The following DCP2 variants were observed in gnomAD, a reference collection of about 807,000 sequenced individuals.
DCP2 encodes m7GpppN-mRNA hydrolase.
Under a neutral mutation model 56.1 loss-of-function variants are expected in DCP2, and 30 were observed. The ratio of observed to expected loss-of-function variants is 0.53; its 90% CI spans 0.40 to 0.73. The LOEUF (loss-of-function observed/expected upper bound fraction) is 0.73, where lower values mean the gene tolerates loss of function less well. DCP2 is among the 30% of genes least tolerant of loss of function. The pLI is 0.00. For missense variants in DCP2, 533 were observed against 502.7 expected, an observed-to-expected ratio of 1.06 and a Z score of -0.58; for synonymous variants, 197 against 163.3, an observed-to-expected ratio of 1.21 and a Z score of -1.57.
chr5:112,992,048 A>G, intron 2 of DCP2, 73 bp from the exon 3 acceptor site: 1 of 1,554,130 alleles, frequency 6.4e-7, no homozygotes, highest in South Asian at 1.2e-5. Context: ...ATTGATTTAA[A>G]TGGGTCTCTT....
intron 4 of DCP2, among the ~76,000 whole-genome samples, chr5:112,997,010 G>A (rs1347907071): frequency 1.3e-5 from 2 of 152,176 alleles, no homozygotes; most frequent in Non-Finnish European, 2.9e-5. Flanking sequence ...GTACATTGGC[G>A]TTTCAAAGTT....
intron 1 of DCP2, chr5:112,984,703 A>AAAAAAAAAAAAATATATATATATAT: frequency 1.5e-5 from 1 of 64,858 alleles, no homozygotes; most frequent in African/African-American, 7.9e-5. Flanking sequence ...AAAAAAAAAA[A>AAAAAAAAAAAAATATATATATATAT]ATATATATAT....
At chr5:112,978,462 C>A (rs1005101102) in intron 1 of DCP2, among the ~76,000 whole-genome samples, 5 of 152,150 alleles carry the variant, frequency 3.3e-5, no homozygotes, top group Non-Finnish European at 7.3e-5. Context: ...CACACCTATT[C>A]CTTTTTCTTT....
intron 3 of DCP2, 96 bp from the exon 4 acceptor site, chr5:112,992,576 C>A: frequency 2.3e-6 from 2 of 879,162 alleles, no homozygotes; most frequent in Admixed American, 3.1e-5. Flanking sequence ...TTGGCGATAA[C>A]AGTTACCTCA....
chr5:112,982,445 A>G (rs1033140210), intron 1 of DCP2, among the ~76,000 whole-genome samples: 3 of 152,126 alleles, frequency 2.0e-5, no homozygotes, highest in Non-Finnish European at 2.9e-5. Context: ...CTTGGTTTTC[A>G]TTCTTGTTTT....
At position 113,020,939 on chromosome 5, in the gene DCP2, T is replaced by A. The variant is rs1005294634; in HGVS notation, c.*7455T>A. ...GTTTGTAATGTACTATCAATAAAAT[T>A]GGCTGCTTGGGCGGTTTTAGTTACC... On this transcript the variant is annotated 3_prime_UTR_variant, in exon 11 of 11. Coordinates refer to ENST00000389063, the MANE Select transcript of DCP2 (RefSeq NM_152624.6). 2 of 152,238 alleles carry A rather than the reference T, an allele frequency of 1.3e-5. No homozygotes were observed. The highest frequency in any genetic ancestry group is 3.8e-4 in the East Asian group (2 of 5,204). The allele number at this position is 152,238 out of a possible 1,614,324, so 9.4% of individuals were successfully genotyped here. A position where few individuals can be genotyped will look rare whatever the true frequency, so the allele number is the denominator to read the frequency against.
At chr5:112,980,689 T>A (rs1747964490) in intron 1 of DCP2, among the ~76,000 whole-genome samples, 1 of 152,230 alleles carries the variant, frequency 6.6e-6, no homozygotes, top group Non-Finnish European at 1.5e-5. Context: ...ATTAAAAATA[T>A]GTAATCATGT....
rs749636709 is a variant in DCP2, at chr5:112,976,848, T to C, written c.-86T>C. ...CCGCGGCTTCCTCGGCTGCCAGCTC[T>C]CCGGCGAGCCGGAGTCCTAGTGCCG... On this transcript the variant is annotated 5_prime_UTR_variant, in exon 1 of 11. Coordinates refer to ENST00000389063, the MANE Select transcript of DCP2 (RefSeq NM_152624.6). 2.1e-6 allele frequency: 3 copies of C among 1,438,406 alleles called. No homozygotes were observed. Among genetic ancestry groups the C allele is most frequent in the Non-Finnish European group, 2.9e-6 (3 of 1,019,886 alleles). 89.1% of individuals were successfully genotyped at this position (1,438,406 alleles called of 1,614,324 possible).
At chr5:113,003,905 A>G (rs751406854) in intron 7 of DCP2, 37 bp from the exon 8 acceptor site, 8 of 1,610,926 alleles carry the variant, frequency 5.0e-6, no homozygotes, top group South Asian at 3.3e-5. Context: ...ATAAGTGAAC[A>G]TTTTCTGATT....
intron 2 of DCP2, among the ~76,000 whole-genome samples, chr5:112,990,427 G>T (rs917622775): frequency 6.6e-6 from 1 of 152,084 alleles, no homozygotes; most frequent in Non-Finnish European, 1.5e-5. Flanking sequence ...CTGAAGTTCT[G>T]CTAGGGATTT....
intron 9 of DCP2, among the ~76,000 whole-genome samples, chr5:113,010,034 C>CTTT (rs532353785): frequency 2.3e-4 from 29 of 127,586 alleles, no homozygotes; most frequent in African/African-American, 7.6e-4. Context: ...TGCCTCAGCT[C>CTTT]TTTTTTTTTT....
In DCP2 at chr5:113,014,090, A is replaced by G. The variant is rs1749788161; in HGVS notation, c.*606A>G. The G allele has an allele frequency of 6.6e-6, 1 of 152,290 alleles. No individual in the cohort carries two copies. Among genetic ancestry groups the G allele is most frequent in the African/African-American group, 2.4e-5 (1 of 41,458 alleles). The allele number at this position is 152,290 out of a possible 1,614,324, so 9.4% of individuals were successfully genotyped here. A position where few individuals can be genotyped will look rare whatever the true frequency, so the allele number is the denominator to read the frequency against. On this transcript the variant is annotated 3_prime_UTR_variant, in exon 11 of 11. Transcript: ENST00000389063. The stretch of plus-strand genomic sequence containing the variant: ...TGTCCAAAATGAACTCAGCGCTTCA[A>G]AAGGACAAAGTCTGTAGCCTGGAGG...
chr5:112,996,385 A>G (rs769788994), intron 4 of DCP2, among the ~76,000 whole-genome samples: 1 of 152,164 alleles, frequency 6.6e-6, no homozygotes, highest in East Asian at 1.9e-4. Context: ...TACTGATTAG[A>G]CTTAGGCTGA....
chr5:113,008,135 G>C, intron 9 of DCP2, 93 bp downstream of exon 9: 1 of 1,086,524 alleles, frequency 9.2e-7, no homozygotes, highest in Non-Finnish European at 1.3e-6. Context: ...TACTTGTTTT[G>C]TTCTTATTTT....
In DCP2 at chr5:113,022,132, A is replaced by G. The variant is rs2150200771; in HGVS notation, c.*8648A>G. ...GGAATTAGAAATATTTATTCAGAAT[A>G]TAAGAATGTTTGTAAAATATTATAA... On this transcript the variant is annotated 3_prime_UTR_variant, in exon 11 of 11. Transcript: ENST00000389063. 6.5e-6 allele frequency: 1 copy of G among 152,714 alleles called. No individual in the cohort carries two copies. Among genetic ancestry groups the G allele is most frequent in the East Asian group, 1.9e-4 (1 of 5,192 alleles). The allele number at this position is 152,714 out of a possible 1,614,324, so 9.5% of individuals were successfully genotyped here. A position where few individuals can be genotyped will look rare whatever the true frequency, so the allele number is the denominator to read the frequency against.
chr5:112,994,748 A>G (rs1748771505), intron 4 of DCP2, among the ~76,000 whole-genome samples: 1 of 152,186 alleles, frequency 6.6e-6, no homozygotes, highest in Admixed American at 6.5e-5. Context: ...TTTTTGTTCT[A>G]GCATACATTT....
intron 10 of DCP2, among the ~76,000 whole-genome samples, chr5:113,012,392 A>T (rs557339114): frequency 6.6e-6 from 1 of 152,274 alleles, no homozygotes; most frequent in African/African-American, 2.4e-5. Context: ...TGGTATATCG[A>T]TCTTAGTTGG....
At chr5:112,997,600 T>TC (rs1362731245) in intron 4 of DCP2, among the ~76,000 whole-genome samples, 2 of 149,798 alleles carry the variant, frequency 1.3e-5, no homozygotes, top group Non-Finnish European at 2.9e-5. Context: ...TTACACTTTT[T>TC]CTTTTTCTTT....
chr5:112,999,653 G>T (rs894184224), intron 4 of DCP2, among the ~76,000 whole-genome samples: 3 of 149,930 alleles, frequency 2.0e-5, no homozygotes, highest in African/African-American at 4.9e-5. Flanking sequence ...TAAAGACAGG[G>T]TCTTGCTCTG....
Sources: allele counts gnomAD v4.1 joint callset (sites outside exome capture counted in the v4.1 genomes callset), GRCh38; gene constraint gnomAD v4.1.1; transcripts MANE v1.5; gene names NCBI Gene and HGNC (gene_info 2026-07-23, HGNC 2026-07-21).